CTNNA3: variants seen among roughly 807,000 people sequenced by gnomAD.
CTNNA3 encodes catenin alpha 3.
A neutral mutation model predicts 95.7 loss-of-function variants in CTNNA3; 76 were observed. That is an observed-to-expected ratio of 0.79 (90% CI 0.66 to 0.96). The LOEUF (loss-of-function observed/expected upper bound fraction) is 0.96. CTNNA3 is among the 40% of genes least tolerant of loss of function. CTNNA3 has a pLI of 0.00. For synonymous variants in CTNNA3, 431 were observed against 374.4 expected (o/e 1.15, Z -1.74); for missense variants, 1,191 against 1,089.8 (o/e 1.09, Z -1.31).
At chr10:67,712,346 G>A (rs1004601394) in intron 1 of CTNNA3, among the ~76,000 whole-genome samples, 5 of 152,208 alleles carry the variant, frequency 3.3e-5, no homozygotes, top group Admixed American at 3.3e-4. Flanking sequence ...TAAATAATGA[G>A]GAGCCAAGTG....
chr10:66,131,360 C>A (rs1024994277), intron 13 of CTNNA3, among the ~76,000 whole-genome samples: 1 of 152,110 alleles, frequency 6.6e-6, no homozygotes, highest in African/African-American at 2.4e-5. Context: ...AAAAAACTAA[C>A]CCACCACAAT....
At chr10:66,149,186 ATAGT>A (rs990456155) in intron 13 of CTNNA3, among the ~76,000 whole-genome samples, 1 of 148,124 alleles carries the variant, frequency 6.8e-6, no homozygotes. Flanking sequence ...AGTTAACTAT[ATAGT>A]TAATTATAAC....
chr10:67,539,317 G>T (rs1470211138), intron 4 of CTNNA3, among the ~76,000 whole-genome samples, 186 bp downstream of exon 4: 2 of 151,990 alleles, frequency 1.3e-5, no homozygotes, highest in South Asian at 2.1e-4. Context: ...ATTGGCTTTA[G>T]AACTACTCTG....
intron 1 of CTNNA3, among the ~76,000 whole-genome samples, chr10:67,749,822 C>T (rs1841394900): frequency 6.6e-6 from 1 of 152,084 alleles, no homozygotes; most frequent in South Asian, 2.1e-4. Context: ...CAGAGTGGAA[C>T]TGAAGGAGAC....
intron 9 of CTNNA3, among the ~76,000 whole-genome samples, chr10:66,652,631 T>G (rs926343699): frequency 6.6e-6 from 1 of 152,272 alleles, no homozygotes; most frequent in Admixed American, 6.5e-5. Flanking sequence ...ACTTCCAAAC[T>G]AATTTCATGA....
intron 13 of CTNNA3, among the ~76,000 whole-genome samples, chr10:66,247,732 T>C (rs1221864046): frequency 1.3e-5 from 2 of 152,166 alleles, no homozygotes; most frequent in African/African-American, 2.4e-5. Flanking sequence ...TACCCTACAA[T>C]AGTATTACTG....
At chr10:66,865,330 C>T (rs1050364216) in intron 7 of CTNNA3, among the ~76,000 whole-genome samples, 34 of 151,730 alleles carry the variant, frequency 2.2e-4, no homozygotes, top group African/African-American at 7.8e-4. Flanking sequence ...GAAATACGGT[C>T]AGAGTACGTA....
chr10:67,268,253 G>A (rs1003693120), intron 5 of CTNNA3, among the ~76,000 whole-genome samples: 4 of 151,278 alleles, frequency 2.6e-5, no homozygotes, highest in East Asian at 1.9e-4. Context: ...ATTGATTGAC[G>A]CCAGGAGTTT....
rs11816458 is a variant in CTNNA3 at position 66,327,770 on chromosome 10, A to G, written c.1733-47149T>C. Among the ~76,000 whole-genome samples, 844 of 152,184 alleles carry G rather than the reference A, an allele frequency of 5.5e-3. 6 individuals carry two copies. Among genetic ancestry groups the G allele is most frequent in the African/African-American group, 0.019 (789 of 41,552 alleles). ...AGAATTGTGATTGGCTTTTAAATAA[A>G]TTTTCTTAAAACTGTATCATGAATA... On this transcript the variant is annotated intron_variant, in intron 12 of 17. Coordinates refer to ENST00000433211, the MANE Select transcript of CTNNA3 (RefSeq NM_013266.4).
intron 7 of CTNNA3, among the ~76,000 whole-genome samples, chr10:66,882,037 T>C (rs1187985126): frequency 1.3e-5 from 2 of 152,116 alleles, no homozygotes; most frequent in African/African-American, 4.8e-5. Flanking sequence ...GATTCTATGC[T>C]ACATTAGGTC....
chr10:66,762,788 G>C (rs965616298), intron 9 of CTNNA3, among the ~76,000 whole-genome samples: 1 of 151,786 alleles, frequency 6.6e-6, no homozygotes, highest in Non-Finnish European at 1.5e-5. Flanking sequence ...AAAGTTACAC[G>C]TTAACCATTA....
At chr10:66,429,781 C>T (rs1353307238) in intron 11 of CTNNA3, among the ~76,000 whole-genome samples, 1 of 152,072 alleles carries the variant, frequency 6.6e-6, no homozygotes, top group Admixed American at 6.6e-5. Context: ...ATATGACAAA[C>T]CCACAACCAA....
At chr10:66,819,520 A>G (rs560438623) in intron 7 of CTNNA3, among the ~76,000 whole-genome samples, 1 of 152,184 alleles carries the variant, frequency 6.6e-6, no homozygotes, top group Non-Finnish European at 1.5e-5. Context: ...ACTTTTCAAA[A>G]TGTGCTTCAA....
At chr10:67,000,695 G>T (rs957631765) in intron 7 of CTNNA3, among the ~76,000 whole-genome samples, 1 of 152,090 alleles carries the variant, frequency 6.6e-6, no homozygotes, top group Non-Finnish European at 1.5e-5. Context: ...GAATTCAATA[G>T]AAGAAATCTT....
intron 7 of CTNNA3, among the ~76,000 whole-genome samples, chr10:66,950,195 T>C (rs1848468061): frequency 6.6e-6 from 1 of 152,196 alleles, no homozygotes; most frequent in Non-Finnish European, 1.5e-5. Flanking sequence ...ACATAAACTA[T>C]TTTCTGATAC....
At chr10:67,540,546 A>G (rs1840650791) in intron 3 of CTNNA3, among the ~76,000 whole-genome samples, 2 of 152,022 alleles carry the variant, frequency 1.3e-5, no homozygotes. Flanking sequence ...AAATTTTTCC[A>G]TGAATGTATG....
At chr10:67,590,800 A>G (rs930941523) in intron 3 of CTNNA3, among the ~76,000 whole-genome samples, 7 of 152,066 alleles carry the variant, frequency 4.6e-5, no homozygotes, top group African/African-American at 1.7e-4. Flanking sequence ...TTATACCAAT[A>G]TCTTTTCTCA....
At chr10:66,008,038 C>G (rs780685426) in intron 15 of CTNNA3, among the ~76,000 whole-genome samples, 2 of 152,064 alleles carry the variant, frequency 1.3e-5, no homozygotes, top group Non-Finnish European at 2.9e-5. Flanking sequence ...CCCAAATACT[C>G]TTGAAAACCA....
chr10:66,419,639 A>G (rs981717227), intron 11 of CTNNA3, among the ~76,000 whole-genome samples: 2 of 152,218 alleles, frequency 1.3e-5, no homozygotes, highest in African/African-American at 4.8e-5. Flanking sequence ...ACTTCAAATT[A>G]TATTACAGGG....
Sources: allele counts gnomAD v4.1 joint callset (sites outside exome capture counted in the v4.1 genomes callset), GRCh38; gene constraint gnomAD v4.1.1; transcripts MANE v1.5; gene names NCBI Gene and HGNC (gene_info 2026-07-23, HGNC 2026-07-21).